SPAG17: variants seen among roughly 807,000 people sequenced by gnomAD.
SPAG17 encodes the protein sperm-associated antigen 17.
A neutral mutation model predicts 273.6 loss-of-function variants in SPAG17; 169 were observed. The observed-to-expected ratio is 0.62, with a 90% CI of 0.55 to 0.70. The LOEUF is 0.70. Ranked by LOEUF, SPAG17 falls within the 30% of genes least tolerant of loss-of-function variation. The pLI is 0.00. For synonymous variants in SPAG17, 825 were observed against 873.2 expected, an observed-to-expected ratio of 0.94 and a Z score of 0.97; for missense variants, 2,557 against 2,627.8, an observed-to-expected ratio of 0.97 and a Z score of 0.59.
At chr1:117,985,241 T>C (rs950070920) in intron 40 of SPAG17, among the ~76,000 whole-genome samples, 4 of 152,178 alleles carry the variant, frequency 2.6e-5, no homozygotes, top group African/African-American at 9.7e-5. Context: ...TCAGTGGTTA[T>C]AGAGTTAAAG....
intron 20 of SPAG17, among the ~76,000 whole-genome samples, chr1:118,046,171 T>C (rs1447980186): frequency 2.0e-5 from 3 of 151,884 alleles, no homozygotes; most frequent in Non-Finnish European, 4.4e-5. Flanking sequence ...ACTCCATCTC[T>C]ACAAAAAGTT....
intron 1 of SPAG17, among the ~76,000 whole-genome samples, chr1:118,169,628 G>C (rs1443751375): frequency 1.3e-5 from 2 of 152,074 alleles, no homozygotes; most frequent in African/African-American, 4.8e-5. Context: ...ACATTTATAA[G>C]GGTTTCATGC....
At chr1:117,955,217 A>G in intron 48 of SPAG17, 1 of 997,076 alleles carries the variant, frequency 1.0e-6, no homozygotes, top group South Asian at 1.7e-5. Flanking sequence ...TTCTGAAGTA[A>G]GAAGGAGGGG....
At position 118,147,521 on chromosome 1, in the gene SPAG17, T is replaced by C. The variant is rs570331941; in HGVS notation, c.315+3022A>G. ...CATGAGTTCTTGAAACAGTTCCTAG[T>C]AGAGCAAAACATGCTTTCCAAAAAG... On this transcript the variant is annotated intron_variant, in intron 3 of 48. Coordinates refer to ENST00000336338, the MANE Select transcript of SPAG17 (RefSeq NM_206996.4). Among the ~76,000 whole-genome samples the C allele has an allele frequency of 1.6e-4, 24 of 152,302 alleles. No individual in the cohort carries two copies. The South Asian group carries it at 2.7e-3, about 17-fold the overall frequency.
At chr1:118,151,167 C>A (rs1659354961) in intron 2 of SPAG17, 62 bp downstream of exon 2, 3 of 1,320,792 alleles carry the variant, frequency 2.3e-6, no homozygotes, top group Non-Finnish European at 3.0e-6. Flanking sequence ...TTTTATAATT[C>A]TATTCTATTA....
rs544288629 is a variant in SPAG17, at chr1:118,057,592, A to G, written c.2541-1678T>C. The stretch of plus-strand genomic sequence containing the variant: ...ATGATTCAGAAAGCTTATCACACAT[A>G]GGTACTTTCTGAACTATTTACTCAC... On this transcript the variant is annotated intron_variant, in intron 18 of 48. Coordinates refer to ENST00000336338, the MANE Select transcript of SPAG17 (RefSeq NM_206996.4). Among the ~76,000 whole-genome samples, 6 of 152,344 alleles carry G rather than the reference A, an allele frequency of 3.9e-5. No individual in the cohort carries two copies. In the South Asian group the frequency reaches 1.2e-3, roughly 32 times the overall value.
At chr1:118,060,913 T>C (rs973764503) in intron 18 of SPAG17, among the ~76,000 whole-genome samples, 1 of 152,208 alleles carries the variant, frequency 6.6e-6, no homozygotes, top group African/African-American at 2.4e-5. Context: ...CCTCCTCCAG[T>C]CTTTACTGGC....
At chr1:118,055,375 A>G (rs1651552412) in intron 19 of SPAG17, among the ~76,000 whole-genome samples, 1 of 152,162 alleles carries the variant, frequency 6.6e-6, no homozygotes. Flanking sequence ...GATATCTACT[A>G]ACTCTGAATT....
intron 10 of SPAG17, 97 bp from the exon 11 acceptor site, chr1:118,087,105 G>A (rs1655056728): frequency 7.3e-7 from 1 of 1,362,504 alleles, no homozygotes; most frequent in African/African-American, 1.5e-5. Context: ...GTAAGAACCA[G>A]TCCATTTCTG....
intron 20 of SPAG17, among the ~76,000 whole-genome samples, chr1:118,047,657 G>A (rs1199652534): frequency 6.6e-6 from 1 of 152,106 alleles, no homozygotes; most frequent in African/African-American, 2.4e-5. Context: ...TGTCAGGCCA[G>A]CACCCATGCT....
At chr1:118,002,135 G>C (rs1040878649) in intron 32 of SPAG17, among the ~76,000 whole-genome samples, 7 of 152,206 alleles carry the variant, frequency 4.6e-5, no homozygotes, top group East Asian at 1.9e-4. Flanking sequence ...GTGTGGTTTT[G>C]AGTGAGTTTC....
intron 20 of SPAG17, among the ~76,000 whole-genome samples, chr1:118,049,557 A>G (rs1407494429): frequency 6.6e-6 from 1 of 152,214 alleles, no homozygotes; most frequent in East Asian, 1.9e-4. Context: ...AAAGTAGATA[A>G]AGAGGAAATG....
At chr1:118,116,248 G>A (rs1209823150) in intron 3 of SPAG17, among the ~76,000 whole-genome samples, 1 of 152,150 alleles carries the variant, frequency 6.6e-6, no homozygotes, top group East Asian at 1.9e-4. Flanking sequence ...ACCATAAAAA[G>A]TTGTTATGTG....
At position 118,041,825 on chromosome 1, in the gene SPAG17, G is replaced by C; in HGVS notation, c.3032C>G (p.Pro1011Arg). 1 of 1,612,660 alleles carries C rather than the reference G, an allele frequency of 6.2e-7. No individual in the cohort carries two copies. Among genetic ancestry groups the C allele is most frequent in the Non-Finnish European group, 8.5e-7 (1 of 1,179,604 alleles). ...QEVTEESPHQ[P>R]EPKITYPFHG... Reference sequence around the variant, plus strand: ...TACCGGGTAAGTTATCTTAGGTTCTGGTTGGTGGGGGGACTCTTCTGTTAC... The same window carrying C: ...TACCGGGTAAGTTATCTTAGGTTCTCGTTGGTGGGGGGACTCTTCTGTTAC... Residue 1011 changes from proline to arginine, a missense_variant, in exon 21 of 49, where the codon CCA (proline) becomes CGA (arginine). Coordinates refer to ENST00000336338, the MANE Select transcript of SPAG17 (RefSeq NM_206996.4).
chr1:118,023,617 T>C (rs1242888307), intron 27 of SPAG17, among the ~76,000 whole-genome samples, 154 bp from the exon 28 acceptor site: 1 of 152,152 alleles, frequency 6.6e-6, no homozygotes, highest in Non-Finnish European at 1.5e-5. Context: ...AAGTAGATTA[T>C]AGAAAGGTAG....
chr1:118,128,867 CAG>C (rs1378574839), intron 3 of SPAG17, among the ~76,000 whole-genome samples: 1 of 152,160 alleles, frequency 6.6e-6, no homozygotes, highest in Non-Finnish European at 1.5e-5. Context: ...TCATGTGACT[CAG>C]GGGAAACACA....
At chr1:118,009,099 G>A (rs1659199073) in intron 30 of SPAG17, among the ~76,000 whole-genome samples, 1 of 152,068 alleles carries the variant, frequency 6.6e-6, no homozygotes, top group African/African-American at 2.4e-5. Flanking sequence ...GTGGGGTGGG[G>A]AGATGTAGGT....
intron 1 of SPAG17, among the ~76,000 whole-genome samples, chr1:118,172,801 G>A (rs562712166): frequency 1.3e-5 from 2 of 152,058 alleles, no homozygotes; most frequent in African/African-American, 4.8e-5. Flanking sequence ...TCTTGTGTTG[G>A]CACAGAAATT....
chr1:117,980,684 GTCTC>G (rs1364011449), intron 43 of SPAG17, among the ~76,000 whole-genome samples: 1 of 152,190 alleles, frequency 6.6e-6, no homozygotes, highest in Non-Finnish European at 1.5e-5. Flanking sequence ...ATGCAAATTA[GTCTC>G]TCTATCTCTC....
Sources: allele counts gnomAD v4.1 joint callset (sites outside exome capture counted in the v4.1 genomes callset), GRCh38; gene constraint gnomAD v4.1.1; transcripts MANE v1.5; gene names NCBI Gene and HGNC (gene_info 2026-07-23, HGNC 2026-07-21).